The following IL1RAPL1 variants were observed in gnomAD, a reference collection of about 807,000 sequenced individuals.
IL1RAPL1 encodes the protein interleukin-1 receptor accessory protein-like 1.
Under a neutral mutation model 48.4 loss-of-function variants are expected in IL1RAPL1, and 3 were observed. That is an observed-to-expected ratio of 0.06 (90% confidence interval 0.03 to 0.16). IL1RAPL1 has a LOEUF of 0.16. IL1RAPL1 is among the 10% of genes least tolerant of loss of function. IL1RAPL1 has a pLI of 1.00. For synonymous variants in IL1RAPL1, 185 were observed against 187.7 expected (o/e 0.99, Z 0.12); for missense variants, 349 against 530.6 (o/e 0.66, Z 3.36).
chrX:28,796,587 C>T (rs1385669385), intron 2 of IL1RAPL1, among the ~76,000 whole-genome samples: 2 of 111,844 alleles, frequency 1.8e-5, no homozygotes, highest in Non-Finnish European at 1.9e-5. Context: ...CTTTTGACTC[C>T]ATGTCTTGCT....
At chrX:29,729,777 G>A (rs950742489) in intron 6 of IL1RAPL1, among the ~76,000 whole-genome samples, 4 of 111,185 alleles carry the variant, frequency 3.6e-5, no homozygotes, top group Admixed American at 9.6e-5. Context: ...AGAAATGCAC[G>A]TGTGAAACTC....
intron 2 of IL1RAPL1, among the ~76,000 whole-genome samples, chrX:29,122,008 A>G (rs758631027): frequency 2.7e-5 from 3 of 111,947 alleles, no homozygotes; most frequent in Non-Finnish European, 5.6e-5. Context: ...GTCACCACTC[A>G]TTATTTAATG....
chrX:29,824,854 G>T (rs910582300), intron 6 of IL1RAPL1, among the ~76,000 whole-genome samples: 4 of 108,960 alleles, frequency 3.7e-5, no homozygotes, highest in African/African-American at 1.3e-4. Flanking sequence ...TTGGGGGCTG[G>T]AGGGAGAAAA....
chrX:29,232,378 AT>A, intron 2 of IL1RAPL1, among the ~76,000 whole-genome samples: 1 of 111,997 alleles, frequency 8.9e-6, no homozygotes, highest in East Asian at 2.8e-4. Context: ...TGTTCCTTGG[AT>A]TTGAATGTAA....
At chrX:29,439,097 G>T (rs948184789) in intron 5 of IL1RAPL1, among the ~76,000 whole-genome samples, 1 of 111,189 alleles carries the variant, frequency 9.0e-6, no homozygotes, top group African/African-American at 3.3e-5. Context: ...TGATAGTGTG[G>T]CATCACTAAC....
intron 6 of IL1RAPL1, among the ~76,000 whole-genome samples, chrX:29,874,726 G>A (rs1931867986): frequency 8.9e-6 from 1 of 112,399 alleles, no homozygotes; most frequent in South Asian, 3.7e-4. Flanking sequence ...AGTAGAGTCC[G>A]TGACTTCATT....
At chrX:28,977,010 G>A (rs999122193) in intron 2 of IL1RAPL1, among the ~76,000 whole-genome samples, 13 of 112,260 alleles carry the variant, frequency 1.2e-4, no homozygotes, top group Admixed American at 1.9e-4. Flanking sequence ...TTAAAAATGA[G>A]GCAGCAGACT....
At chrX:29,562,074 ATCT>A (rs1477467268) in intron 5 of IL1RAPL1, among the ~76,000 whole-genome samples, 4 of 95,810 alleles carry the variant, frequency 4.2e-5, no homozygotes, top group Non-Finnish European at 8.3e-5. Flanking sequence ...CTATCTATCT[ATCT>A]ATCTAATCTA....
chrX:29,126,991 A>T (rs1226064880), intron 2 of IL1RAPL1, among the ~76,000 whole-genome samples: 1 of 111,623 alleles, frequency 9.0e-6, no homozygotes, highest in South Asian at 3.8e-4. Context: ...CTCAAGATCA[A>T]CTTAATCTCT....
At chrX:29,528,238 A>G (rs952581475) in intron 5 of IL1RAPL1, among the ~76,000 whole-genome samples, 9 of 112,672 alleles carry the variant, frequency 8.0e-5, no homozygotes, top group African/African-American at 2.9e-4. Context: ...ATTGCAAAAT[A>G]TTGGAAACTA....
chrX:28,815,839 G>GTA (rs61436993), intron 2 of IL1RAPL1, among the ~76,000 whole-genome samples: 1,354 of 28,898 alleles, frequency 0.047, 70 homozygotes, highest in Non-Finnish European at 0.075. Context: ...GTGTGTTTAT[G>GTA]TATATATATA....
At chrX:29,190,566 T>C (rs1285901506) in intron 2 of IL1RAPL1, among the ~76,000 whole-genome samples, 1 of 112,299 alleles carries the variant, frequency 8.9e-6, no homozygotes, top group African/African-American at 3.2e-5. Context: ...TGCCCATTTG[T>C]ATATTCTTGT....
intron 2 of IL1RAPL1, among the ~76,000 whole-genome samples, chrX:29,130,168 A>G (rs1602070992): frequency 8.9e-6 from 1 of 112,127 alleles, no homozygotes. Context: ...TAAGAGAAAA[A>G]CAATATGTTT....
At chrX:29,019,458 G>C (rs1281243966) in intron 2 of IL1RAPL1, among the ~76,000 whole-genome samples, 1 of 111,329 alleles carries the variant, frequency 9.0e-6, no homozygotes, top group African/African-American at 3.3e-5. Context: ...ACTGCATTTA[G>C]TGATGAACGA....
At chrX:29,835,607 G>C (rs1930975870) in intron 6 of IL1RAPL1, among the ~76,000 whole-genome samples, 1 of 111,328 alleles carries the variant, frequency 9.0e-6, no homozygotes, top group South Asian at 3.7e-4. Context: ...CTAAATGTTT[G>C]GTAGAATTCA....
intron 2 of IL1RAPL1, among the ~76,000 whole-genome samples, chrX:28,897,717 C>A (rs1467924979): frequency 8.9e-6 from 1 of 112,042 alleles, no homozygotes; most frequent in Non-Finnish European, 1.9e-5. Flanking sequence ...CCAAATTTCA[C>A]TCGCGTCTGT....
At chrX:29,126,439 C>T (rs1307893468) in intron 2 of IL1RAPL1, among the ~76,000 whole-genome samples, 1 of 112,159 alleles carries the variant, frequency 8.9e-6, no homozygotes, top group Non-Finnish European at 1.9e-5. Context: ...TTAAACTACA[C>T]AGAAAAAGTT....
intron 2 of IL1RAPL1, among the ~76,000 whole-genome samples, chrX:29,276,925 C>T (rs913145041): frequency 9.9e-5 from 11 of 111,349 alleles, no homozygotes; most frequent in East Asian, 8.4e-4. Flanking sequence ...ATAGAGATGG[C>T]GATAGAGATA....
chrX:29,826,979 CTG>C (rs1372005958), intron 6 of IL1RAPL1, among the ~76,000 whole-genome samples: 1 of 112,275 alleles, frequency 8.9e-6, no homozygotes, highest in African/African-American at 3.2e-5. Flanking sequence ...CCCATCAACA[CTG>C]TATGAGTTCC....
Sources: gnomAD v4.1 joint callset for allele counts (sites outside exome capture counted in the v4.1 genomes callset) on GRCh38, gnomAD v4.1.1 for gene constraint, MANE v1.5 for transcripts, NCBI Gene and HGNC (gene_info 2026-07-23, HGNC 2026-07-21) for gene names.